Variants in DGKI observed in about 807,000 individuals in gnomAD.
The protein encoded by DGKI is diacylglycerol kinase iota.
DGKI carries 55 observed loss-of-function variants against 147.5 expected under a neutral mutation model. That is an observed-to-expected ratio of 0.37 (90% CI 0.30 to 0.47). The LOEUF is 0.47. Ranked by LOEUF, DGKI falls within the 20% of genes least tolerant of loss-of-function variation. DGKI has a pLI of 1.00. For synonymous variants in DGKI, 469 were observed against 477.1 expected (o/e 0.98, Z 0.22); for missense variants, 1,007 against 1,323.8 (o/e 0.76, Z 3.71).
chr7:137,845,393 T>C lies in DGKI; in HGVS notation c.401+1069A>G, dbSNP rs114298963. Among the ~76,000 whole-genome samples, 624 of 152,286 alleles carry C rather than the reference T, an allele frequency of 4.1e-3. 7 individuals carry two copies. The highest frequency in any genetic ancestry group is 0.014 in the African/African-American group (588 of 41,564). On this transcript the variant is annotated intron_variant, in intron 1 of 32. Coordinates refer to ENST00000614521, the MANE Select transcript of DGKI (RefSeq NM_001321708.2). ...CACATGGTGTGACAGGCTTAATACTTTATATGGTTTTTGGGAAGGGAACAC... is the reference window on the plus strand; with the variant it reads ...CACATGGTGTGACAGGCTTAATACTCTATATGGTTTTTGGGAAGGGAACAC...
rs1380417942 is a variant in DGKI at position 137,678,602 on chromosome 7, T to A, written c.561A>T (p.Gly187=). 6.2e-7 allele frequency: 1 copy of A among 1,614,104 alleles called. No individual in the cohort carries two copies. Among genetic ancestry groups the A allele is most frequent in the South Asian group, 1.1e-5 (1 of 91,076 alleles). The change falls in exon 3 of 33, where the codon GGA becomes GGT. Residue 187 remains glycine (G), a synonymous_variant. Coordinates refer to ENST00000614521, the MANE Select transcript of DGKI (RefSeq NM_001321708.2). ...TCTCCTCTCCAAGGTAGCAGAGGTCTCCCGAGACGTTGGTCTCCAGCCACA... is the reference window on the plus strand; with the variant it reads ...TCTCCTCTCCAAGGTAGCAGAGGTCACCCGAGACGTTGGTCTCCAGCCACA... The part of the protein sequence containing the change: ...EHLWLETNVS[G]DLCYLGEENC...
At chr7:137,797,710 T>C (rs916293317) in intron 1 of DGKI, among the ~76,000 whole-genome samples, 8 of 151,908 alleles carry the variant, frequency 5.3e-5, no homozygotes, top group East Asian at 3.9e-4. Context: ...CATTAGGAAA[T>C]AGATGTTTAA....
intron 2 of DGKI, among the ~76,000 whole-genome samples, chr7:137,688,903 G>A (rs1220441483): frequency 6.6e-6 from 1 of 152,198 alleles, no homozygotes; most frequent in Non-Finnish European, 1.5e-5. Context: ...GGGAGAAGCT[G>A]TAGTTCAAGC....
rs1178513613 is a variant in DGKI, at chr7:137,711,664, C to A, written c.402-21662G>T. On this transcript the variant is annotated intron_variant, in intron 1 of 32. Coordinates refer to ENST00000614521, the MANE Select transcript of DGKI (RefSeq NM_001321708.2). The stretch of plus-strand genomic sequence containing the variant: ...TCTCTATATATCTTGATTTCCTCAT[C>A]CGTAAAATGGGGATACCAACTTTTT... 5.4e-5 allele frequency among the ~76,000 whole-genome samples: 8 copies of A among 148,994 alleles called. No homozygotes were observed. The South Asian group carries it at 1.1e-3, about 20-fold the overall frequency.
chr7:137,626,267 A>G (rs1375537222), intron 6 of DGKI, among the ~76,000 whole-genome samples: 1 of 151,236 alleles, frequency 6.6e-6, no homozygotes, highest in African/African-American at 2.4e-5. Flanking sequence ...GACTCCTGCT[A>G]TTTCTTCCTC....
intron 21 of DGKI, among the ~76,000 whole-genome samples, chr7:137,505,793 G>A (rs974034344): frequency 6.7e-6 from 1 of 150,148 alleles, no homozygotes; most frequent in Non-Finnish European, 1.5e-5. Flanking sequence ...TTAAAAAACT[G>A]GGCAAAAGAT....
chr7:137,480,821 A>T (rs567627008), intron 23 of DGKI, among the ~76,000 whole-genome samples: 10 of 152,270 alleles, frequency 6.6e-5, no homozygotes, highest in Admixed American at 4.6e-4. Flanking sequence ...CTACCATTTA[A>T]TGCCCCATAA....
intron 8 of DGKI, among the ~76,000 whole-genome samples, chr7:137,618,470 TC>T (rs536848894): frequency 6.7e-6 from 1 of 149,336 alleles, no homozygotes; most frequent in East Asian, 2.0e-4. Context: ...CATGAAGCCC[TC>T]CCCCCCACTT....
chr7:137,498,994 T>C (rs1282330039), intron 21 of DGKI, among the ~76,000 whole-genome samples: 1 of 152,178 alleles, frequency 6.6e-6, no homozygotes, highest in Non-Finnish European at 1.5e-5. Flanking sequence ...TGAGTCCGTG[T>C]GCACTCTCAG....
intron 1 of DGKI, among the ~76,000 whole-genome samples, chr7:137,703,706 G>T (rs908962192): frequency 1.3e-5 from 2 of 152,136 alleles, no homozygotes; most frequent in Non-Finnish European, 2.9e-5. Flanking sequence ...CAACAAACAA[G>T]CAGCAATGAC....
At chr7:137,472,132 CAT>C (rs1284749389) in intron 23 of DGKI, among the ~76,000 whole-genome samples, 18 of 120,130 alleles carry the variant, frequency 1.5e-4, no homozygotes, top group South Asian at 2.4e-4. Context: ...TATATATACA[CAT>C]ATATATGTGT....
chr7:137,808,544 A>C (rs1797453074), intron 1 of DGKI, among the ~76,000 whole-genome samples: 1 of 152,190 alleles, frequency 6.6e-6, no homozygotes, highest in African/African-American at 2.4e-5. Flanking sequence ...AGAAGATTAC[A>C]GAACCAGGCA....
chr7:137,391,443 A>G, intron 32 of DGKI, 107 bp from the exon 33 acceptor site: 1 of 760,726 alleles, frequency 1.3e-6, no homozygotes, highest in Non-Finnish European at 2.1e-6. Context: ...TCACAGAAAC[A>G]GAACTACGCA....
chr7:137,542,925 C>A (rs1817750295), intron 20 of DGKI, among the ~76,000 whole-genome samples: 1 of 152,092 alleles, frequency 6.6e-6, no homozygotes, highest in Non-Finnish European at 1.5e-5. Flanking sequence ...CTCCAATATC[C>A]CACAGAGCAT....
At chr7:137,671,926 T>C (rs2116353257) in intron 3 of DGKI, among the ~76,000 whole-genome samples, 1 of 152,348 alleles carries the variant, frequency 6.6e-6, no homozygotes. Flanking sequence ...CAGTACCTAT[T>C]AGCTGGTCCA....
chr7:137,452,340 A>G (rs1814001194), intron 27 of DGKI, among the ~76,000 whole-genome samples: 2 of 152,292 alleles, frequency 1.3e-5, no homozygotes, highest in South Asian at 4.1e-4. Flanking sequence ...CACTCATCCA[A>G]TTCACGGGCC....
intron 1 of DGKI, among the ~76,000 whole-genome samples, chr7:137,790,021 T>C (rs1006766145): frequency 6.6e-6 from 1 of 152,216 alleles, no homozygotes; most frequent in Admixed American, 6.5e-5. Context: ...ATAAATATTT[T>C]AGCCTTTGAA....
chr7:137,690,781 T>G (rs535711186), intron 1 of DGKI, among the ~76,000 whole-genome samples: 2 of 151,814 alleles, frequency 1.3e-5, no homozygotes, highest in East Asian at 3.9e-4. Context: ...GCAAAGCAAA[T>G]ATGATCATTG....
intron 6 of DGKI, among the ~76,000 whole-genome samples, chr7:137,626,717 C>T (rs967122706): frequency 2.6e-5 from 4 of 152,238 alleles, no homozygotes; most frequent in African/African-American, 9.6e-5. Flanking sequence ...GGGGTGAGAC[C>T]CGAGTGCCTC....
Sources: gnomAD v4.1 joint callset for allele counts (sites outside exome capture counted in the v4.1 genomes callset) on GRCh38, gnomAD v4.1.1 for gene constraint, MANE v1.5 for transcripts, NCBI Gene and HGNC (gene_info 2026-07-23, HGNC 2026-07-21) for gene names.